The following EYS variants were observed in gnomAD, a reference collection of about 807,000 sequenced individuals.
EYS encodes protein eyes shut homolog.
In EYS, 250 loss-of-function variants were observed where a neutral mutation model predicts 282.1. The observed-to-expected ratio is 0.89, with a 90% CI of 0.80 to 0.98. The LOEUF (loss-of-function observed/expected upper bound fraction) is 0.98. Ranked by LOEUF, EYS falls within the 50% of genes least tolerant of loss-of-function variation. The pLI is 0.00. For synonymous variants in EYS, 1,355 were observed against 1,282.9 expected (o/e 1.06, Z -1.20); for missense variants, 4,016 against 3,709.0 (o/e 1.08, Z -2.15).
intron 14 of EYS, among the ~76,000 whole-genome samples, chr6:64,993,939 G>A (rs1771163392): frequency 6.6e-6 from 1 of 150,948 alleles, no homozygotes; most frequent in South Asian, 2.1e-4. Flanking sequence ...ATATTGCAGA[G>A]TTGTTCCTTC....
chr6:65,219,696 A>T (rs1766410090), intron 12 of EYS, among the ~76,000 whole-genome samples: 1 of 152,172 alleles, frequency 6.6e-6, no homozygotes, highest in African/African-American at 2.4e-5. Context: ...GCTGATAAAG[A>T]CATGCAAGAC....
At chr6:64,797,874 A>G (rs1390046987) in intron 22 of EYS, among the ~76,000 whole-genome samples, 2 of 151,998 alleles carry the variant, frequency 1.3e-5, no homozygotes, top group South Asian at 2.1e-4. Flanking sequence ...TATGTTGCCA[A>G]CAAGCCAGAT....
rs116659655 is a variant in EYS at position 64,669,989 on chromosome 6, A to G, written c.3444-43744T>C. Among the ~76,000 whole-genome samples, 1,150 of 152,288 alleles carry G rather than the reference A, an allele frequency of 7.6e-3. 20 individuals carry two copies. Among genetic ancestry groups the G allele is most frequent in the African/African-American group, 0.026 (1,092 of 41,564 alleles). On this transcript the variant is annotated intron_variant, in intron 22 of 42. Coordinates refer to ENST00000503581, the MANE Select transcript of EYS (RefSeq NM_001142800.2). ...AACTTTTAACTTTCTAGCCTTTGAC[A>G]TGTAAATCTTTTAAAAACTCTTATA...
intron 36 of EYS, among the ~76,000 whole-genome samples, chr6:63,820,031 T>C (rs1386480256): frequency 1.3e-5 from 2 of 152,202 alleles, no homozygotes; most frequent in Non-Finnish European, 2.9e-5. Context: ...TTGCATGGCC[T>C]CTAATTCTTG....
chr6:65,438,529 AC>A (rs1474754854), intron 5 of EYS, among the ~76,000 whole-genome samples: 1 of 152,052 alleles, frequency 6.6e-6, no homozygotes, highest in East Asian at 1.9e-4. Context: ...TTGTTTCCTG[AC>A]TTTTTAATGA....
intron 15 of EYS, among the ~76,000 whole-genome samples, chr6:64,923,602 A>C (rs1341311327): frequency 6.6e-6 from 1 of 152,184 alleles, no homozygotes; most frequent in African/African-American, 2.4e-5. Context: ...CCTTCCACCT[A>C]TGTGTCTGTA....
chr6:64,870,154 T>C (rs1170222034), intron 19 of EYS, among the ~76,000 whole-genome samples: 1 of 151,672 alleles, frequency 6.6e-6, no homozygotes, highest in Middle Eastern at 3.4e-3. Context: ...AGTAGGAACA[T>C]ATAACACTGA....
intron 26 of EYS, among the ~76,000 whole-genome samples, chr6:64,451,198 A>G (rs1001639752): frequency 1.3e-5 from 2 of 152,234 alleles, no homozygotes; most frequent in African/African-American, 4.8e-5. Flanking sequence ...TCCCACAGAA[A>G]TACAAACTAC....
intron 22 of EYS, among the ~76,000 whole-genome samples, chr6:64,722,716 T>C (rs1771624100): frequency 6.6e-6 from 1 of 152,210 alleles, no homozygotes; most frequent in Admixed American, 6.5e-5. Flanking sequence ...AAACAAGGTC[T>C]CTTTTTGACA....
intron 19 of EYS, among the ~76,000 whole-genome samples, chr6:64,837,429 A>G (rs1212374610): frequency 6.6e-6 from 1 of 151,402 alleles, no homozygotes; most frequent in African/African-American, 2.4e-5. Context: ...CAAGATGAGA[A>G]TGTCCACTTT....
intron 28 of EYS, among the ~76,000 whole-genome samples, chr6:64,390,045 C>T (rs560218539): frequency 2.0e-4 from 31 of 151,312 alleles, no homozygotes; most frequent in Non-Finnish European, 3.2e-4. Context: ...CACTCCCACC[C>T]GAATACTGCG....
intron 23 of EYS, among the ~76,000 whole-genome samples, chr6:64,623,224 A>G (rs1010326924): frequency 1.3e-5 from 2 of 152,178 alleles, no homozygotes; most frequent in South Asian, 2.1e-4. Flanking sequence ...AACTATAGGC[A>G]TGATATTGTA....
At chr6:64,010,738 T>C (rs1768579789) in intron 33 of EYS, among the ~76,000 whole-genome samples, 1 of 152,180 alleles carries the variant, frequency 6.6e-6, no homozygotes, top group Admixed American at 6.5e-5. Context: ...ATGAGAAACG[T>C]ACCTGATCTT....
chr6:63,885,978 A>T (rs1289500297), intron 35 of EYS, among the ~76,000 whole-genome samples: 3 of 152,214 alleles, frequency 2.0e-5, no homozygotes, highest in Non-Finnish European at 4.4e-5. Context: ...TCTTTCAACC[A>T]TTCAAACTCA....
At chr6:63,838,862 C>T (rs977820117) in intron 36 of EYS, among the ~76,000 whole-genome samples, 10 of 152,112 alleles carry the variant, frequency 6.6e-5, no homozygotes, top group Non-Finnish European at 1.5e-4. Flanking sequence ...CATAAGTGAT[C>T]TCATATATTT....
chr6:65,703,196 ATC>A (rs372211829), intron 1 of EYS, among the ~76,000 whole-genome samples: 3 of 151,560 alleles, frequency 2.0e-5, no homozygotes, highest in Admixed American at 6.6e-5. Flanking sequence ...TCTCTCCTCT[ATC>A]TCTCTCTCTC....
chr6:65,082,451 G>A (rs533843722), intron 12 of EYS, among the ~76,000 whole-genome samples: 1 of 152,126 alleles, frequency 6.6e-6, no homozygotes, highest in Non-Finnish European at 1.5e-5. Context: ...TGACAATGAG[G>A]TAAGTACTAA....
chr6:63,845,552 CT>C (rs1772077121), intron 36 of EYS, among the ~76,000 whole-genome samples: 1 of 152,066 alleles, frequency 6.6e-6, no homozygotes, highest in South Asian at 2.1e-4. Context: ...TGTTCTTTTG[CT>C]TTCTAGATAT....
intron 12 of EYS, among the ~76,000 whole-genome samples, chr6:65,171,873 T>C (rs183020273): frequency 3.4e-4 from 51 of 151,712 alleles, no homozygotes; most frequent in Middle Eastern, 3.4e-3. Flanking sequence ...TGTTGTATTT[T>C]ATTTAATTAA....
Sources: gnomAD v4.1 joint callset for allele counts (sites outside exome capture counted in the v4.1 genomes callset) on GRCh38, gnomAD v4.1.1 for gene constraint, MANE v1.5 for transcripts, NCBI Gene and HGNC (gene_info 2026-07-23, HGNC 2026-07-21) for gene names.